Variants in SLC44A2 observed in about 807,000 individuals in gnomAD.
SLC44A2 encodes choline transporter-like protein 2.
A neutral mutation model predicts 90.8 loss-of-function variants in SLC44A2; 57 were observed. The observed-to-expected ratio is 0.63, with a 90% CI of 0.51 to 0.78. SLC44A2 has a LOEUF of 0.78. SLC44A2 is among the 30% of genes least tolerant of loss of function. The pLI is 0.00. For synonymous variants in SLC44A2, 355 were observed against 360.7 expected (o/e 0.98, Z 0.18); for missense variants, 794 against 919.7 (o/e 0.86, Z 1.77).
chr19:10,620,438 G>A (rs2066887644), intron 1 of SLC44A2, among the ~76,000 whole-genome samples: 1 of 152,134 alleles, frequency 6.6e-6, no homozygotes, highest in African/African-American at 2.4e-5. Flanking sequence ...TCGGGCAACA[G>A]AGCAAGACTC....
chr19:10,626,119 A>T (rs997277984), intron 1 of SLC44A2, 134 bp from the exon 2 acceptor site: 9 of 762,308 alleles, frequency 1.2e-5, no homozygotes, highest in South Asian at 4.6e-5. Context: ...GGTGAGGCAG[A>T]AAATTCCACA....
chr19:10,635,405 C>T, intron 13 of SLC44A2, 26 bp from the exon 14 acceptor site: 1 of 1,613,698 alleles, frequency 6.2e-7, no homozygotes, highest in South Asian at 1.1e-5. Flanking sequence ...CAGTCCTAGA[C>T]CTCTGCTTCC....
intron 10 of SLC44A2, among the ~76,000 whole-genome samples, chr19:10,633,968 TC>T (rs1599252381): frequency 2.0e-5 from 2 of 100,252 alleles, no homozygotes; most frequent in East Asian, 6.2e-4. Context: ...AGAAACCCCA[TC>T]TCTATTTTTT....
chr19:10,623,287 T>C (rs1034377832), upstream of SLC44A2, among the ~76,000 whole-genome samples: 2 of 152,096 alleles, frequency 1.3e-5, no homozygotes, highest in African/African-American at 4.8e-5. Context: ...CCTCTGCTGG[T>C]GGCTACTAGG....
At chr19:10,634,137 ATTTTT>A (rs1177075276) in intron 10 of SLC44A2, among the ~76,000 whole-genome samples, 1 of 80,270 alleles carries the variant, frequency 1.2e-5, no homozygotes, top group African/African-American at 5.3e-5. Context: ...CGCCCAGCTA[ATTTTT>A]TTTTTTTTTT....
rs937560507 is a variant in SLC44A2, at chr19:10,644,223, G to A, written c.*838G>A. ...GGAAAGAAACTAAACCCACCCAAGGGATGATGTCAGGGGGAGAGGTGGAGG... is the reference window on the plus strand; with the variant it reads ...GGAAAGAAACTAAACCCACCCAAGGAATGATGTCAGGGGGAGAGGTGGAGG... On this transcript the variant is annotated 3_prime_UTR_variant, in exon 22 of 22. Transcript: ENST00000335757. 1 of 152,658 alleles carries A rather than the reference G, an allele frequency of 6.6e-6. No homozygotes were observed. Among genetic ancestry groups the A allele is most frequent in the African/African-American group, 2.4e-5 (1 of 41,432 alleles). The allele number at this position is 152,658 out of a possible 1,614,324, so 9.5% of individuals were successfully genotyped here.
chr19:10,632,777 A>G (rs1273537625), intron 10 of SLC44A2, among the ~76,000 whole-genome samples: 1 of 150,590 alleles, frequency 6.6e-6, no homozygotes, highest in Non-Finnish European at 1.5e-5. Context: ...GGTCCAAGCT[A>G]TTCTCCTGCC....
intron 1 of SLC44A2, 102 bp downstream of exon 1, chr19:10,625,772 C>A: frequency 2.9e-6 from 3 of 1,037,024 alleles, no homozygotes; most frequent in Non-Finnish European, 2.5e-6. Context: ...GGAGGGGGAG[C>A]GCAATTGCAA....
In SLC44A2 at chr19:10,643,605, G is replaced by T. The variant is rs981825882; in HGVS notation, c.*220G>T. 3.8e-5 allele frequency: 18 copies of T among 479,124 alleles called. No individual in the cohort carries two copies. The highest frequency in any genetic ancestry group is 4.7e-5 in the Non-Finnish European group (13 of 275,684). The allele number at this position is 479,124 out of a possible 1,614,324, so 29.7% of individuals were successfully genotyped here. The stretch of plus-strand genomic sequence containing the variant: ...GTTTTCATGGCTGCCCCTCCAGACT[G>T]CGAGAAACAAGTAAAAACCCATTGG... On this transcript the variant is annotated 3_prime_UTR_variant, in exon 22 of 22. Transcript: ENST00000335757.
chr19:10,626,257 GC>G lies in SLC44A2; in HGVS notation c.44del (p.Pro15HisfsTer36). 1.9e-6 allele frequency: 3 copies of G among 1,613,068 alleles called. No individual in the cohort carries two copies. The highest frequency in any genetic ancestry group is 2.5e-6 in the Non-Finnish European group (3 of 1,179,096). On this transcript the variant is annotated frameshift_variant, in exon 2 of 22. Coordinates refer to ENST00000335757, the MANE Select transcript of SLC44A2 (RefSeq NM_020428.4). LOFTEE classifies it high-confidence loss of function. The stretch of plus-strand genomic sequence containing the variant: ...CTTAATCTTCTTGACTTTCAGGAAC[GC>G]CACAGAAGTATGATCCCACTTTCAA... ...RPHYYGKHGT[P>X]QKYDPTFKGP...
chr19:10,615,275 T>TA lies in SLC44A2; in HGVS notation c.32-10967dup, dbSNP rs199540891. On this transcript the variant is annotated intron_variant, in intron 1 of 21. Transcript: ENST00000407327. ...GTGAAAATCCTGTCTCTACCAAAAA[T>TA]AAAAAAAAAAATTAGGGGCCAGGTG... Among the ~76,000 whole-genome samples the TA allele has an allele frequency of 5.5e-3, 783 of 142,986 alleles. 2 individuals are homozygous for TA. The highest frequency in any genetic ancestry group is 0.019 in the African/African-American group (737 of 39,038). 93.8% of individuals were successfully genotyped at this position (142,986 alleles called of 152,430 possible). A position where few individuals can be genotyped will look rare whatever the true frequency, so the allele number is the denominator to read the frequency against.
intron 21 of SLC44A2, 127 bp downstream of exon 21, chr19:10,642,578 C>G (rs2067128664): frequency 2.2e-6 from 2 of 895,344 alleles, no homozygotes; most frequent in Admixed American, 4.0e-5. Flanking sequence ...GGCTGTCCCT[C>G]GTCCTGGGTC....
intron 1 of SLC44A2, among the ~76,000 whole-genome samples, chr19:10,603,430 C>T (rs919400936): frequency 5.3e-5 from 8 of 152,334 alleles, no homozygotes; most frequent in Admixed American, 3.3e-4. Context: ...GAAGCACTGT[C>T]GCGCCCCTCT....
intron 2 of SLC44A2, among the ~76,000 whole-genome samples, chr19:10,627,299 C>T (rs1043203487): frequency 2.0e-5 from 3 of 146,818 alleles, no homozygotes; most frequent in African/African-American, 7.7e-5. Flanking sequence ...CCAGCCTGGG[C>T]GACAGAGTGA....
rs926257606 is a variant in SLC44A2, at chr19:10,644,446, A to AG, written c.*1069dup. ...GAGAACTCCTGGCCCCAGGGGAAAG[A>AG]GGGGGGGGTCTCCCGTTTCCTGTGC... On this transcript the variant is annotated 3_prime_UTR_variant, in exon 22 of 22. Transcript: ENST00000335757. The AG allele has an allele frequency of 3.5e-4, 54 of 152,266 alleles. No homozygotes were observed. Among genetic ancestry groups the AG allele is most frequent in the East Asian group, 7.7e-4 (4 of 5,184 alleles). 9.4% of individuals were successfully genotyped at this position (152,266 alleles called of 1,614,324 possible).
At chr19:10,624,894 G>T (rs1045227017), upstream of SLC44A2, among the ~76,000 whole-genome samples, 1 of 152,154 alleles carries the variant, frequency 6.6e-6, no homozygotes, top group Non-Finnish European at 1.5e-5. Flanking sequence ...CAGCACTTTG[G>T]GGGGCCACGG....
chr19:10,643,328 G>C lies in SLC44A2; in HGVS notation c.2064G>C (p.Met688Ile), dbSNP rs758919216. ...GCTCGGCCGAGAGGCCTTACTTCAT[G>C]TCTTCCACCCTCAAGAAACTCTTGA... ...NDGSAERPYF[M>I]SSTLKKLLNK... The change falls in exon 22 of 22, where the codon ATG (methionine) becomes ATC (isoleucine). Residue 688 changes from methionine (M) to isoleucine (I), a missense_variant. This residue lies in a region of SLC44A2 where 44 missense variants were observed against 43.9 expected (regional missense o/e 1.00). Transcript: ENST00000335757. 4 of 1,612,630 alleles carry C rather than the reference G, an allele frequency of 2.5e-6. No individual in the cohort carries two copies. The East Asian group carries it at 8.9e-5, about 36-fold the overall frequency.
chr19:10,638,358 G>A (rs1404479962), intron 20 of SLC44A2, 43 bp downstream of exon 20: 4 of 1,575,378 alleles, frequency 2.5e-6, no homozygotes, highest in Non-Finnish European at 2.6e-6. Flanking sequence ...GAAGAAAGAG[G>A]TGTTGGGATT....
At chr19:10,626,463 C>T (rs113371723) in intron 2 of SLC44A2, among the ~76,000 whole-genome samples, 162 bp downstream of exon 2, 5 of 150,696 alleles carry the variant, frequency 3.3e-5, no homozygotes, top group Non-Finnish European at 5.9e-5. Context: ...GCTGGAGTGC[C>T]GTGGCGCGAT....
Sources: allele counts gnomAD v4.1 joint callset (sites outside exome capture counted in the v4.1 genomes callset), GRCh38; gene constraint gnomAD v4.1.1; regional missense constraint gnomAD v4.1.1; transcripts MANE v1.5; gene names NCBI Gene and HGNC (gene_info 2026-07-23, HGNC 2026-07-21).